CTSZ: variants seen among roughly 807,000 people sequenced by gnomAD.
CTSZ encodes cathepsin Z, also known as carboxypeptidase LB.
CTSZ carries 39 observed loss-of-function variants against 32.4 expected under a neutral mutation model. The observed-to-expected ratio is 1.20, with a 90% CI of 0.93 to 1.57. The LOEUF is 1.57. Among genes scored for constraint, CTSZ ranks in the 40% most tolerant of loss-of-function variants. CTSZ has a pLI of 0.00. For missense variants in CTSZ, 397 were observed against 419.6 expected (o/e 0.95, Z 0.47); for synonymous variants, 168 against 170.1 (o/e 0.99, Z 0.10).
chr20:58,999,795 C>T (rs1021999819), intron 3 of CTSZ, among the ~76,000 whole-genome samples: 4 of 152,180 alleles, frequency 2.6e-5, no homozygotes, highest in Non-Finnish European at 5.9e-5. Flanking sequence ...TATGGCCGGG[C>T]ACGGTGGCTC....
chr20:59,001,360 C>T, intron 3 of CTSZ, 105 bp downstream of exon 3: 1 of 1,322,908 alleles, frequency 7.6e-7, no homozygotes, highest in Non-Finnish European at 1.0e-6. Flanking sequence ...CAGCCACCAG[C>T]CAATGTGAGG....
intron 2 of CTSZ, among the ~76,000 whole-genome samples, chr20:59,003,334 C>G (rs913116781): frequency 3.9e-5 from 6 of 152,254 alleles, no homozygotes; most frequent in African/African-American, 1.4e-4. Flanking sequence ...AACCAGCTCA[C>G]TGAGGTATGC....
At position 59,007,229 on chromosome 20, in the gene CTSZ, C is replaced by CT. The variant is rs1300639131; in HGVS notation, c.-102_-101insA. Reference sequence around the variant, plus strand: ...ATCCCGCCCCGGCCTCGGCCTCGGCCCAGCACCCGGCCGACCCCGCACTTT... The same window carrying CT: ...ATCCCGCCCCGGCCTCGGCCTCGGCCTCAGCACCCGGCCGACCCCGCACTTT... On this transcript the variant is annotated 5_prime_UTR_variant, in exon 1 of 6. Transcript: ENST00000217131. The CT allele has an allele frequency of 1.4e-4, 177 of 1,239,694 alleles. 1 individual carries two copies. The highest frequency in any genetic ancestry group is 1.7e-4 in the Non-Finnish European group (168 of 995,406). 76.8% of individuals were successfully genotyped at this position (1,239,694 alleles called of 1,614,324 possible).
intron 5 of CTSZ, 186 bp downstream of exon 5, chr20:58,996,453 C>T (rs2091860611): frequency 1.6e-6 from 1 of 622,480 alleles, no homozygotes; most frequent in Non-Finnish European, 2.8e-6. Flanking sequence ...AGGATGGCGG[C>T]AGCCGCGCAT....
intron 1 of CTSZ, 42 bp downstream of exon 1, chr20:59,006,944 G>A (rs1001148655): frequency 4.2e-5 from 57 of 1,364,462 alleles, no homozygotes; most frequent in Non-Finnish European, 5.1e-5. Context: ...CCGGGCGATG[G>A]GCCTCCCGTC....
rs988304860 is a variant in CTSZ, at chr20:59,002,353, G to T, written c.308-709C>A. On this transcript the variant is annotated intron_variant, in intron 2 of 5. Coordinates refer to ENST00000217131, the MANE Select transcript of CTSZ (RefSeq NM_001336.4). This position sits in a 1 kb window ranked among gnomAD's most constrained non-coding sequence, Gnocchi z 4.1. Reference sequence around the variant, plus strand: ...AAACAGATCCTAGAAGGAAATCCGGGCCCATGTTCAGGGTCATCTCACTCT... The same window carrying T: ...AAACAGATCCTAGAAGGAAATCCGGTCCCATGTTCAGGGTCATCTCACTCT... Among the ~76,000 whole-genome samples, 10 of 152,094 alleles carry T rather than the reference G, an allele frequency of 6.6e-5. No individual in the cohort carries two copies. The highest frequency in any genetic ancestry group is 2.6e-4 in the Admixed American group (4 of 15,280).
Position 59,007,011 on chromosome 20 carries a change from C to A in CTSZ, c.118G>T (p.Asp40Tyr). Residue 40 changes from aspartate (D) to tyrosine (Y), a missense_variant, in exon 1 of 6, where the codon GAC becomes TAC. By Grantham distance (160) the Asp-to-Tyr change is radical. Coordinates refer to ENST00000217131, the MANE Select transcript of CTSZ (RefSeq NM_001336.4). ...CTGCGCCCCAGCGGAGCCAGCCCGT[C>A]CCCCCGCAGAGGCCGGTAGCAGGTC... Reference protein sequence around the residue: ...GQTCYRPLRGDGLAPLGRSTY... With the variant: ...GQTCYRPLRGYGLAPLGRSTY... The A allele has an allele frequency of 4.8e-6, 7 of 1,470,584 alleles. No homozygotes were observed. The highest frequency in any genetic ancestry group is 3.9e-5 in the South Asian group (3 of 77,544). The allele number at this position is 1,470,584 out of a possible 1,614,324, so 91.1% of individuals were successfully genotyped here. A position where few individuals can be genotyped will look rare whatever the true frequency, so the allele number is the denominator to read the frequency against.
chr20:59,007,128 TGGCCCCGCGCCGGCTCCTG>T lies in CTSZ; in HGVS notation c.-19_-1del. 1 of 1,369,232 alleles carries T rather than the reference TGGCCCCGCGCCGGCTCCTG, an allele frequency of 7.3e-7. No homozygotes were observed. Among genetic ancestry groups the T allele is most frequent in the Non-Finnish European group, 9.4e-7 (1 of 1,068,754 alleles). The allele number at this position is 1,369,232 out of a possible 1,614,324, so 84.8% of individuals were successfully genotyped here. A position where few individuals can be genotyped will look rare whatever the true frequency, so the allele number is the denominator to read the frequency against. On this transcript the variant is annotated 5_prime_UTR_variant, in exon 1 of 6. Coordinates refer to ENST00000217131, the MANE Select transcript of CTSZ (RefSeq NM_001336.4). ...CGCCACCCTGGCCCGCGCCTCGCCA[TGGCCCCGCGCCGGCTCCTG>T]GGTCCCGCTCCGGATCCCGCTCCGA...
At chr20:58,997,573 CCT>C (rs754184576) in intron 4 of CTSZ, 28 bp downstream of exon 4, 6 of 1,512,978 alleles carry the variant, frequency 4.0e-6, no homozygotes, top group Non-Finnish European at 5.3e-6. Context: ...CACCCGCAAA[CCT>C]CTCTTTGCCC....
chr20:58,997,911 C>T (rs962147185), intron 3 of CTSZ, among the ~76,000 whole-genome samples, 158 bp from the exon 4 acceptor site: 1 of 152,192 alleles, frequency 6.6e-6, no homozygotes, highest in Non-Finnish European at 1.5e-5. Flanking sequence ...TAATGACGCT[C>T]TTCTTTCAGC....
At position 59,001,566 on chromosome 20, in the gene CTSZ, G is replaced by C. The variant is rs1198031938; in HGVS notation, c.386C>G (p.Ala129Gly). The change falls in exon 3 of 6, where the codon GCT (alanine) becomes GGT (glycine). Residue 129 changes from alanine to glycine, a missense_variant. Physicochemically the swap from Ala to Gly is moderately conservative, Grantham distance 60. Coordinates refer to ENST00000217131, the MANE Select transcript of CTSZ (RefSeq NM_001336.4). ...SVQNVIDCGN[A>G]GSCEGGNDLS... Reference sequence around the variant, plus strand: ...GTCATTACCCCCTTCACAGGAGCCAGCGTTACCGCAGTCGATGACGTTCTG... The same window carrying C: ...GTCATTACCCCCTTCACAGGAGCCACCGTTACCGCAGTCGATGACGTTCTG... 6.2e-7 allele frequency: 1 copy of C among 1,614,088 alleles called. No individual in the cohort carries two copies. The highest frequency in any genetic ancestry group is 2.2e-5 in the East Asian group (1 of 44,890).
chr20:58,996,582 A>G, intron 5 of CTSZ, 57 bp downstream of exon 5: 1 of 1,558,872 alleles, frequency 6.4e-7, no homozygotes, highest in Non-Finnish European at 8.8e-7. Flanking sequence ...TTCAAGCGAG[A>G]GGAGTACCAG....
intron 5 of CTSZ, 97 bp from the exon 6 acceptor site, chr20:58,995,856 C>T: frequency 9.4e-7 from 1 of 1,063,492 alleles, no homozygotes; most frequent in East Asian, 2.4e-5. Flanking sequence ...GCCTCCATCT[C>T]TCAGGCCAGC....
At chr20:59,003,003 C>T (rs2091895959) in intron 2 of CTSZ, among the ~76,000 whole-genome samples, 1 of 152,206 alleles carries the variant, frequency 6.6e-6, no homozygotes, top group Non-Finnish European at 1.5e-5. Flanking sequence ...GAGACAGTGC[C>T]CCGACCCCTA....
At chr20:59,006,110 G>T in intron 2 of CTSZ, 1 of 602,288 alleles carries the variant, frequency 1.7e-6, no homozygotes, top group Non-Finnish European at 2.9e-6. Context: ...TTCAGTCCTA[G>T]TCCTGCCTGT....
At position 58,995,327 on chromosome 20, in the gene CTSZ, A is replaced by G. The variant is rs961825164; in HGVS notation, c.*322T>C. 9 of 191,254 alleles carry G rather than the reference A, an allele frequency of 4.7e-5. No individual in the cohort carries two copies. The Admixed American group carries it at 5.3e-4, about 11-fold the overall frequency. The allele number at this position is 191,254 out of a possible 1,614,324, so 11.8% of individuals were successfully genotyped here. A position where few individuals can be genotyped will look rare whatever the true frequency, so the allele number is the denominator to read the frequency against. The stretch of plus-strand genomic sequence containing the variant: ...TCTTTCACCTCTTAAATGCCATATT[A>G]TTGCCCACAGTTGCCAAATACAAAA... On this transcript the variant is annotated 3_prime_UTR_variant, in exon 6 of 6. Transcript: ENST00000217131.
chr20:58,998,948 T>C (rs2091875279), intron 3 of CTSZ, among the ~76,000 whole-genome samples: 1 of 152,240 alleles, frequency 6.6e-6, no homozygotes, highest in Non-Finnish European at 1.5e-5. Flanking sequence ...CAGTGCCCAG[T>C]ACTACGGGAA....
chr20:58,999,256 G>T (rs774484981), intron 3 of CTSZ, among the ~76,000 whole-genome samples: 2 of 151,936 alleles, frequency 1.3e-5, no homozygotes, highest in Non-Finnish European at 2.9e-5. Context: ...GTCTGGTCTC[G>T]AACTCCTGGT....
chr20:58,998,128 T>C (rs1024526048), intron 3 of CTSZ, among the ~76,000 whole-genome samples: 1 of 151,946 alleles, frequency 6.6e-6, no homozygotes, highest in Non-Finnish European at 1.5e-5. Context: ...GGCTGGTGAA[T>C]AAATAGGCCA....
Sources: allele counts gnomAD v4.1 joint callset (sites outside exome capture counted in the v4.1 genomes callset), GRCh38; gene constraint gnomAD v4.1.1; non-coding constraint Gnocchi (gnomAD v3.1); transcripts MANE v1.5; gene names NCBI Gene and HGNC (gene_info 2026-07-23, HGNC 2026-07-21).